The following CNTN5 variants were observed in gnomAD, a reference collection of about 807,000 sequenced individuals.
CNTN5 encodes contactin 5, also known as contactin-5.
Under a neutral mutation model 129.1 loss-of-function variants are expected in CNTN5, and 77 were observed. That is an observed-to-expected ratio of 0.60 (90% CI 0.50 to 0.72). The LOEUF (loss-of-function observed/expected upper bound fraction) is 0.72, where lower values mean the gene tolerates loss of function less well. CNTN5 is among the 30% of genes least tolerant of loss of function. The pLI, the probability that CNTN5 is intolerant of heterozygous loss-of-function variation, is 0.00. For synonymous variants in CNTN5, 509 were observed against 465.6 expected (o/e 1.09, Z -1.20); for missense variants, 1,478 against 1,328.8 (o/e 1.11, Z -1.75).
At position 99,745,143 on chromosome 11, in the gene CNTN5, C is replaced by T. The variant is rs137856996; in HGVS notation, c.56-74401C>T. Among the ~76,000 whole-genome samples the T allele has an allele frequency of 4.4e-3, 671 of 152,252 alleles. 1 individual carries two copies. The highest frequency in any genetic ancestry group is 0.014 in the Middle Eastern group (4 of 294). On this transcript the variant is annotated intron_variant, in intron 3 of 24. Coordinates refer to ENST00000524871, the MANE Select transcript of CNTN5 (RefSeq NM_014361.4). Reference sequence around the variant, plus strand: ...AAAATATATGTTCTTGGTTTGGAAACGATTCCCTGATGGGCATGGATTGCT... The same window carrying T: ...AAAATATATGTTCTTGGTTTGGAAATGATTCCCTGATGGGCATGGATTGCT...
intron 3 of CNTN5, among the ~76,000 whole-genome samples, chr11:99,597,733 C>A (rs1179602128): frequency 6.6e-6 from 1 of 152,172 alleles, no homozygotes; most frequent in Non-Finnish European, 1.5e-5. Context: ...GCTGGCCACA[C>A]ACTCCATAAC....
intron 3 of CNTN5, among the ~76,000 whole-genome samples, chr11:99,774,745 G>A (rs1481067974): frequency 6.6e-6 from 1 of 151,964 alleles, no homozygotes; most frequent in Admixed American, 6.6e-5. Flanking sequence ...CTCTTAGAAT[G>A]TATGAATGAG....
chr11:99,657,612 G>GT (rs947692816), intron 3 of CNTN5, among the ~76,000 whole-genome samples: 2 of 151,806 alleles, frequency 1.3e-5, no homozygotes, highest in Non-Finnish European at 2.9e-5. Flanking sequence ...GCTTTTGTTT[G>GT]TTTTTTTAAA....
chr11:99,322,068 G>T (rs1372632090), intron 1 of CNTN5, among the ~76,000 whole-genome samples: 3 of 152,096 alleles, frequency 2.0e-5, no homozygotes, highest in African/African-American at 7.2e-5. Context: ...CTTGTCCCCA[G>T]TTGTATTAGT....
chr11:100,157,878 T>G (rs1429134462), intron 13 of CNTN5, among the ~76,000 whole-genome samples: 1 of 151,672 alleles, frequency 6.6e-6, no homozygotes, highest in Non-Finnish European at 1.5e-5. Context: ...AAGGAAGAAA[T>G]TTACCCCTAT....
In CNTN5 at chr11:99,628,611, GACACACAC is replaced by G. The variant is rs10607009; in HGVS notation, c.55+72376_55+72383del. On this transcript the variant is annotated intron_variant, in intron 3 of 24. Transcript: ENST00000524871. The stretch of plus-strand genomic sequence containing the variant: ...GCCAAGAAACAGAAAGCTAAATAAT[GACACACAC>G]ACACACACACACACACACACACACA... Among the ~76,000 whole-genome samples, 925 of 147,246 alleles carry G rather than the reference GACACACAC, an allele frequency of 6.3e-3. 9 individuals carry two copies. Among genetic ancestry groups the G allele is most frequent in the African/African-American group, 0.021 (810 of 39,482 alleles).
At chr11:100,223,243 A>T (rs538933043) in intron 15 of CNTN5, among the ~76,000 whole-genome samples, 36 of 152,274 alleles carry the variant, frequency 2.4e-4, no homozygotes, top group African/African-American at 7.2e-4. Context: ...CCATGTCTTA[A>T]CAATTATTTC....
intron 15 of CNTN5, among the ~76,000 whole-genome samples, chr11:100,200,839 C>G (rs1271312352): frequency 6.6e-6 from 1 of 151,926 alleles, no homozygotes; most frequent in African/African-American, 2.4e-5. Context: ...GCTTCTAGCT[C>G]AGTAACTCCA....
chr11:99,341,918 G>C (rs746468111), intron 2 of CNTN5, among the ~76,000 whole-genome samples: 1 of 152,048 alleles, frequency 6.6e-6, no homozygotes, highest in Non-Finnish European at 1.5e-5. Flanking sequence ...AAATAGTAAA[G>C]AAAACACTGA....
chr11:99,919,628 AT>A (rs1352183835), intron 7 of CNTN5, among the ~76,000 whole-genome samples: 1 of 152,078 alleles, frequency 6.6e-6, no homozygotes, highest in Admixed American at 6.6e-5. Flanking sequence ...AAATTCACGC[AT>A]TTTAAGTGTA....
intron 6 of CNTN5, among the ~76,000 whole-genome samples, chr11:99,852,645 T>C (rs1003093303): frequency 6.6e-6 from 1 of 152,200 alleles, no homozygotes; most frequent in Non-Finnish European, 1.5e-5. Context: ...CATGAATAAC[T>C]CTGTCTTTAT....
At chr11:100,225,453 G>C (rs1040470546) in intron 16 of CNTN5, 92 of 152,000 alleles carry the variant, frequency 6.1e-4, no homozygotes, top group African/African-American at 2.2e-3. Flanking sequence ...ATGGGAAATA[G>C]AGATCATAGC....
At chr11:100,083,256 G>A (rs1944428043) in intron 13 of CNTN5, among the ~76,000 whole-genome samples, 1 of 150,958 alleles carries the variant, frequency 6.6e-6, no homozygotes, top group Non-Finnish European at 1.5e-5. Flanking sequence ...GGCAGAGGTT[G>A]CAGTAAGCTG....
At chr11:99,714,897 T>A (rs1471679533) in intron 3 of CNTN5, among the ~76,000 whole-genome samples, 1 of 151,700 alleles carries the variant, frequency 6.6e-6, no homozygotes, top group Non-Finnish European at 1.5e-5. Context: ...AGAGACTATT[T>A]TTGGTAATGT....
intron 6 of CNTN5, among the ~76,000 whole-genome samples, chr11:99,898,911 G>A (rs187523068): frequency 1.2e-4 from 19 of 152,034 alleles, no homozygotes; most frequent in Non-Finnish European, 2.5e-4. Context: ...TCAACGTAAA[G>A]TTGCTTCTTT....
At chr11:100,105,548 A>T (rs1231884121) in intron 13 of CNTN5, among the ~76,000 whole-genome samples, 1 of 152,192 alleles carries the variant, frequency 6.6e-6, no homozygotes, top group Non-Finnish European at 1.5e-5. Flanking sequence ...AAGTTAACAG[A>T]TACAAACCAA....
chr11:99,898,958 A>G (rs761443016), intron 6 of CNTN5, among the ~76,000 whole-genome samples: 1 of 151,968 alleles, frequency 6.6e-6, no homozygotes, highest in African/African-American at 2.4e-5. Flanking sequence ...ATTAAGTATA[A>G]TATTTGTTTC....
rs573156560 is a variant in CNTN5, at chr11:99,349,064, T to C, written c.-71+23580T>C. Among the ~76,000 whole-genome samples the C allele has an allele frequency of 5.3e-5, 8 of 152,278 alleles. No homozygotes were observed. In the South Asian group the frequency reaches 1.7e-3, roughly 32 times the overall value. Reference sequence around the variant, plus strand: ...GTAAATAAATTACATGGTTATTAGATGGTGGTAAGTGCTATAGAGAAACGT... The same window carrying C: ...GTAAATAAATTACATGGTTATTAGACGGTGGTAAGTGCTATAGAGAAACGT... On this transcript the variant is annotated intron_variant, in intron 2 of 24. Transcript: ENST00000524871.
At chr11:99,373,379 A>T (rs1939948791) in intron 2 of CNTN5, among the ~76,000 whole-genome samples, 1 of 152,052 alleles carries the variant, frequency 6.6e-6, no homozygotes. Flanking sequence ...ATTACCCCAT[A>T]TCCTATGCTC....
Sources: gnomAD v4.1 joint callset for allele counts (sites outside exome capture counted in the v4.1 genomes callset) on GRCh38, gnomAD v4.1.1 for gene constraint, MANE v1.5 for transcripts, NCBI Gene and HGNC (gene_info 2026-07-23, HGNC 2026-07-21) for gene names.